PDE10A: variants seen among roughly 807,000 people sequenced by gnomAD.
PDE10A encodes the protein cAMP and cAMP-inhibited cGMP 3',5'-cyclic phosphodiesterase 10A.
Under a neutral mutation model 97.7 loss-of-function variants are expected in PDE10A, and 39 were observed. That is an observed-to-expected ratio of 0.40 (90% CI 0.31 to 0.52). The LOEUF (loss-of-function observed/expected upper bound fraction) is 0.52. Among genes scored for constraint, PDE10A ranks in the 20% least tolerant of loss-of-function variants. The probability of loss-of-function intolerance (pLI) is 0.56; values close to 1 mark genes in which losing one functional copy is unlikely to be tolerated. For synonymous variants in PDE10A, 371 were observed against 376.8 expected (o/e 0.98, Z 0.18); for missense variants, 731 against 1,047.8 (o/e 0.70, Z 4.17).
chr6:165,335,021 T>C (rs534590916), intron 21 of PDE10A, among the ~76,000 whole-genome samples: 1 of 152,286 alleles, frequency 6.6e-6, no homozygotes, highest in Non-Finnish European at 1.5e-5. Context: ...TATGGCTAAG[T>C]AGTTAAAACA....
At chr6:165,691,107 C>CTCTCTCCT (rs1554305960) in intron 1 of PDE10A, among the ~76,000 whole-genome samples, 2 of 13,402 alleles carry the variant, frequency 1.5e-4, no homozygotes, top group African/African-American at 3.9e-4. Flanking sequence ...CTTTCTCTCT[C>CTCTCTCCT]CCCCCCCCCA....
At chr6:165,517,871 GGTTGA>G (rs1171071438) in intron 2 of PDE10A, among the ~76,000 whole-genome samples, 2 of 152,130 alleles carry the variant, frequency 1.3e-5, no homozygotes, top group Non-Finnish European at 2.9e-5. Context: ...AATATATTCA[GGTTGA>G]GTTTTTAATA....
At chr6:165,635,469 G>A (rs1788828278) in intron 1 of PDE10A, among the ~76,000 whole-genome samples, 1 of 141,400 alleles carries the variant, frequency 7.1e-6, no homozygotes, top group Non-Finnish European at 1.6e-5. Context: ...CAAGTGGGGT[G>A]TGAGTGTGTG....
chr6:165,335,822 CCTGA>C (rs1480671738), intron 21 of PDE10A, among the ~76,000 whole-genome samples: 4 of 151,944 alleles, frequency 2.6e-5, no homozygotes, highest in Non-Finnish European at 5.9e-5. Context: ...TCATCTGGGC[CCTGA>C]CTGTGTCTGG....
chr6:165,659,714 G>C (rs1251470748), intron 1 of PDE10A, among the ~76,000 whole-genome samples: 2 of 152,234 alleles, frequency 1.3e-5, no homozygotes, highest in Non-Finnish European at 2.9e-5. Context: ...TCCCTGATGA[G>C]TCTGGTTTCT....
intron 1 of PDE10A, among the ~76,000 whole-genome samples, chr6:165,622,738 A>G (rs938774229): frequency 9.9e-5 from 15 of 152,212 alleles, no homozygotes; most frequent in Non-Finnish European, 1.5e-5. Flanking sequence ...CTGTAAAGAA[A>G]GAAACTTCCT....
At chr6:165,859,823 A>C (rs1215045219) in intron 1 of PDE10A, among the ~76,000 whole-genome samples, 1 of 152,202 alleles carries the variant, frequency 6.6e-6, no homozygotes, top group Non-Finnish European at 1.5e-5. Context: ...ATGGTAAAGA[A>C]TATATCATAT....
intron 12 of PDE10A, 127 bp downstream of exon 12, chr6:165,416,062 G>C (rs780720532): frequency 1.5e-6 from 1 of 685,536 alleles, no homozygotes; most frequent in Non-Finnish European, 2.6e-6. Flanking sequence ...AGTTGGTTCA[G>C]AGAAGAAAAC....
intron 1 of PDE10A, among the ~76,000 whole-genome samples, chr6:165,980,116 C>T (rs911169387): frequency 1.3e-5 from 2 of 152,206 alleles, no homozygotes; most frequent in Non-Finnish European, 2.9e-5. Context: ...GGTGTAATCA[C>T]CCTACAGCTG....
intron 19 of PDE10A, 110 bp downstream of exon 19, chr6:165,343,281 C>T: frequency 2.6e-6 from 2 of 762,790 alleles, no homozygotes; most frequent in Non-Finnish European, 4.6e-6. Context: ...TGACTCACCA[C>T]AGTTCTCTGA....
At chr6:165,832,175 A>C (rs1249733050) in intron 1 of PDE10A, among the ~76,000 whole-genome samples, 2 of 152,030 alleles carry the variant, frequency 1.3e-5, no homozygotes, top group Non-Finnish European at 1.5e-5. Flanking sequence ...TATATAACTT[A>C]TATGTATGTT....
At chr6:165,333,949 C>T (rs1781489180) in intron 21 of PDE10A, among the ~76,000 whole-genome samples, 1 of 152,206 alleles carries the variant, frequency 6.6e-6, no homozygotes, top group African/African-American at 2.4e-5. Context: ...TTTCTTTTAG[C>T]AAACATGCTA....
At chr6:165,382,066 C>T (rs1296022117) in intron 17 of PDE10A, among the ~76,000 whole-genome samples, 3 of 152,090 alleles carry the variant, frequency 2.0e-5, no homozygotes, top group Non-Finnish European at 2.9e-5. Flanking sequence ...TTTTTACACC[C>T]ACGAATGTTT....
intron 1 of PDE10A, among the ~76,000 whole-genome samples, chr6:165,818,191 A>G (rs1383179025): frequency 6.6e-6 from 1 of 151,996 alleles, no homozygotes; most frequent in Non-Finnish European, 1.5e-5. Context: ...ACACGCACCC[A>G]TCTTCATCCC....
At chr6:165,613,408 G>T (rs1346862181) in intron 1 of PDE10A, among the ~76,000 whole-genome samples, 1 of 152,170 alleles carries the variant, frequency 6.6e-6, no homozygotes, top group African/African-American at 2.4e-5. Context: ...GGGAGGCCAA[G>T]ATGGGCAGAT....
intron 10 of PDE10A, among the ~76,000 whole-genome samples, chr6:165,421,375 A>G (rs1257633748): frequency 2.0e-5 from 3 of 152,200 alleles, no homozygotes; most frequent in Non-Finnish European, 2.9e-5. Context: ...CCCAGGAGGC[A>G]AAGGCTGCAG....
intron 1 of PDE10A, among the ~76,000 whole-genome samples, chr6:165,602,914 T>C (rs1466011913): frequency 2.6e-5 from 4 of 152,188 alleles, no homozygotes; most frequent in African/African-American, 4.8e-5. Flanking sequence ...ATAATTATTG[T>C]TCTATGCTAG....
intron 5 of PDE10A, among the ~76,000 whole-genome samples, chr6:165,448,709 AACACACACAC>A (rs10645551): frequency 2.2e-4 from 32 of 147,490 alleles, no homozygotes; most frequent in Admixed American, 1.9e-3. Context: ...AGCCAAAGGA[AACACACACAC>A]ACACACACAC....
chr6:165,798,709 T>TCACA (rs151268677), intron 1 of PDE10A, among the ~76,000 whole-genome samples: 19 of 150,236 alleles, frequency 1.3e-4, no homozygotes, highest in African/African-American at 3.2e-4. Flanking sequence ...TTTAAACCAA[T>TCACA]CACACACACA....
Sources: gnomAD v4.1 joint callset for allele counts (sites outside exome capture counted in the v4.1 genomes callset) on GRCh38, gnomAD v4.1.1 for gene constraint, MANE v1.5 for transcripts, NCBI Gene and HGNC (gene_info 2026-07-23, HGNC 2026-07-21) for gene names.